DCT: variants seen among roughly 807,000 people sequenced by gnomAD.
DCT encodes dopachrome tautomerase, also known as L-dopachrome tautomerase.
A neutral mutation model predicts 53.0 loss-of-function variants in DCT; 47 were observed. That is an observed-to-expected ratio of 0.89 (90% CI 0.70 to 1.13). DCT has a LOEUF of 1.13. Ranked by LOEUF, DCT falls within the 50% of genes most tolerant of loss-of-function variation. DCT has a pLI of 0.00. For missense variants in DCT, 669 were observed against 637.4 expected (o/e 1.05, Z -0.53); for synonymous variants, 244 against 237.0 (o/e 1.03, Z -0.27).
upstream of DCT, among the ~76,000 whole-genome samples, chr13:94,483,443 C>CT (rs34530396): frequency 0.38 from 55,685 of 145,994 alleles, 10,682 homozygotes; most frequent in Middle Eastern, 0.44. Flanking sequence ...GCGTTTCTCC[C>CT]TTTTTTTTTT....
the DCT span, among the ~76,000 whole-genome samples, chr13:94,501,688 G>C: frequency 6.6e-6 from 1 of 151,812 alleles, no homozygotes; most frequent in Non-Finnish European, 1.5e-5. Flanking sequence ...ATGAGAACAG[G>C]CTTGCAGAAA....
the DCT span, among the ~76,000 whole-genome samples, chr13:94,514,258 A>C: frequency 6.6e-6 from 1 of 152,074 alleles, no homozygotes; most frequent in South Asian, 2.1e-4. Context: ...AAGGAAGGGG[A>C]GGTGGCAAAA....
intron 1 of DCT, among the ~76,000 whole-genome samples, chr13:94,471,347 T>C (rs369516416): frequency 5.3e-5 from 8 of 152,312 alleles, no homozygotes; most frequent in East Asian, 3.9e-4. Context: ...CTCAATTATC[T>C]GTATTTTTCT....
Position 94,465,445 on chromosome 13 carries a change from T to TAC in DCT, c.863+187_863+188insGT, listed in dbSNP as rs986604763. 1.7e-5 allele frequency: 6 copies of TAC among 343,104 alleles called. 1 individual carries two copies. The African/African-American group carries it at 2.2e-4, about 13-fold the overall frequency. The allele number at this position is 343,104 out of a possible 1,614,324, so 21.3% of individuals were successfully genotyped here. On this transcript the variant is annotated intron_variant, in intron 4 of 7. Coordinates refer to ENST00000377028, the MANE Select transcript of DCT (RefSeq NM_001922.5). The stretch of plus-strand genomic sequence containing the variant: ...AACCAATTCACAAATGTGATTTTGA[T>TAC]ATTTTTTTTTTAATTAAAGAGCTTT...
At chr13:94,514,749 T>C in the DCT span, among the ~76,000 whole-genome samples, 1 of 152,296 alleles carries the variant, frequency 6.6e-6, no homozygotes, top group African/African-American at 2.4e-5. Context: ...CGTGGAGACC[T>C]AGCCTCGCAT....
the DCT span, among the ~76,000 whole-genome samples, chr13:94,524,748 C>A: frequency 6.1e-4 from 93 of 152,098 alleles, no homozygotes; most frequent in Middle Eastern, 3.2e-3. Flanking sequence ...CTCGTGCCCC[C>A]AAATTTCAGA....
At chr13:94,541,241 C>T in the DCT span, among the ~76,000 whole-genome samples, 8 of 152,214 alleles carry the variant, frequency 5.3e-5, no homozygotes, top group African/African-American at 9.6e-5. Context: ...CAGTGGCTCA[C>T]GCCTGTAATT....
chr13:94,496,552 G>A, the DCT span, among the ~76,000 whole-genome samples: 6 of 152,218 alleles, frequency 3.9e-5, no homozygotes, highest in South Asian at 1.2e-3. Context: ...ACTCACAGTG[G>A]CATGTACAGA....
At chr13:94,531,532 C>A in the DCT span, among the ~76,000 whole-genome samples, 9 of 152,086 alleles carry the variant, frequency 5.9e-5, no homozygotes, top group South Asian at 2.1e-4. Context: ...CAAAAACAAG[C>A]AATGGGGAAA....
chr13:94,445,540 G>A (rs893157049), intron 6 of DCT: 9 of 590,178 alleles, frequency 1.5e-5, no homozygotes, highest in Non-Finnish European at 2.1e-5. Flanking sequence ...ACTGAAAGAT[G>A]CTAGGCTAGA....
the DCT span, among the ~76,000 whole-genome samples, chr13:94,535,108 C>T: frequency 6.6e-6 from 1 of 152,220 alleles, no homozygotes; most frequent in Non-Finnish European, 1.5e-5. Context: ...CTTGATTAGG[C>T]TGTCTGGAAT....
At chr13:94,508,024 T>C in the DCT span, among the ~76,000 whole-genome samples, 1 of 152,212 alleles carries the variant, frequency 6.6e-6, no homozygotes, top group Non-Finnish European at 1.5e-5. Flanking sequence ...GTTTACATTG[T>C]TTACTATGGC....
At chr13:94,455,380 TTA>T (rs1883343048) in intron 6 of DCT, among the ~76,000 whole-genome samples, 2 of 55,632 alleles carry the variant, frequency 3.6e-5, no homozygotes, top group African/African-American at 1.6e-4. Flanking sequence ...AGACTGTCTC[TTA>T]GAGAGAGAGA....
the DCT span, among the ~76,000 whole-genome samples, chr13:94,516,568 A>G: frequency 6.6e-6 from 1 of 152,194 alleles, no homozygotes; most frequent in Non-Finnish European, 1.5e-5. Flanking sequence ...CCAATGTGAC[A>G]TTACTGAAAG....
chr13:94,541,765 C>T, the DCT span, among the ~76,000 whole-genome samples: 1 of 152,182 alleles, frequency 6.6e-6, no homozygotes. Flanking sequence ...ACTTTGTATG[C>T]TTGTATCAAA....
chr13:94,533,994 A>G, the DCT span, among the ~76,000 whole-genome samples: 1 of 152,102 alleles, frequency 6.6e-6, no homozygotes, highest in Non-Finnish European at 1.5e-5. Flanking sequence ...AGGTTGACTG[A>G]CCAAAGTTCT....
upstream of DCT, among the ~76,000 whole-genome samples, chr13:94,481,592 G>A (rs1352390999): frequency 2.6e-5 from 4 of 152,120 alleles, no homozygotes; most frequent in African/African-American, 4.8e-5. Flanking sequence ...CGAAGTCCTA[G>A]GATCTCTTTT....
chr13:94,522,893 A>G, the DCT span, among the ~76,000 whole-genome samples: 9 of 152,242 alleles, frequency 5.9e-5, no homozygotes, highest in African/African-American at 2.2e-4. Flanking sequence ...TTCCTGGTAC[A>G]GTCAAGCTGC....
chr13:94,531,742 A>G, the DCT span, among the ~76,000 whole-genome samples: 4 of 152,228 alleles, frequency 2.6e-5, no homozygotes, highest in African/African-American at 9.6e-5. Context: ...CAAAGACTTC[A>G]TGACTAAAAC....
Sources: allele counts gnomAD v4.1 joint callset (sites outside exome capture counted in the v4.1 genomes callset), GRCh38; gene constraint gnomAD v4.1.1; transcripts MANE v1.5; gene names NCBI Gene and HGNC (gene_info 2026-07-23, HGNC 2026-07-21).